The following TESMIN variants were observed in gnomAD, a reference collection of about 807,000 sequenced individuals.
TESMIN encodes the protein testis expressed metallothionein like protein.
TESMIN carries 34 observed loss-of-function variants against 47.4 expected under a neutral mutation model. That is an observed-to-expected ratio of 0.72 (90% CI 0.55 to 0.96). The LOEUF is 0.96. Ranked by LOEUF, TESMIN falls within the 40% of genes least tolerant of loss-of-function variation. The pLI is 0.00. For synonymous variants in TESMIN, 278 were observed against 258.9 expected (o/e 1.07, Z -0.71); for missense variants, 610 against 637.2 (o/e 0.96, Z 0.46).
At chr11:68,712,509 G>T (rs1217025523) in intron 8 of TESMIN, among the ~76,000 whole-genome samples, 1 of 152,200 alleles carries the variant, frequency 6.6e-6, no homozygotes, top group Non-Finnish European at 1.5e-5. Flanking sequence ...ACAGAGGTTT[G>T]TAAGGAAGGT....
At chr11:68,714,231 C>A (rs1316773356) in intron 7 of TESMIN, among the ~76,000 whole-genome samples, 2 of 152,326 alleles carry the variant, frequency 1.3e-5, no homozygotes, top group East Asian at 3.9e-4. Flanking sequence ...ACAGGGCCAT[C>A]GCTACAGAAT....
At chr11:68,725,205 C>T (rs966684239) in intron 6 of TESMIN, among the ~76,000 whole-genome samples, 15 of 152,220 alleles carry the variant, frequency 9.9e-5, no homozygotes, top group East Asian at 1.9e-4. Flanking sequence ...CTGCAGATAT[C>T]GTGGACTATA....
intron 6 of TESMIN, among the ~76,000 whole-genome samples, chr11:68,729,577 A>C (rs1452258591): frequency 6.6e-6 from 1 of 152,160 alleles, no homozygotes; most frequent in Admixed American, 6.5e-5. Flanking sequence ...TGTGGGGTTC[A>C]AGACTTCAGT....
intron 5 of TESMIN, among the ~76,000 whole-genome samples, chr11:68,739,279 C>T (rs1039486270): frequency 2.0e-5 from 3 of 152,196 alleles, no homozygotes; most frequent in Non-Finnish European, 4.4e-5. Context: ...ATGTCATCAT[C>T]TCTGCATTGT....
At chr11:68,747,110 G>C (rs755416402) in intron 3 of TESMIN, 98 bp downstream of exon 3, 6 of 1,388,564 alleles carry the variant, frequency 4.3e-6, no homozygotes, top group Non-Finnish European at 6.1e-6. Flanking sequence ...ATACATACGT[G>C]AAATGAAAAA....
At chr11:68,717,068 C>G (rs1946148555) in intron 6 of TESMIN, among the ~76,000 whole-genome samples, 1 of 152,256 alleles carries the variant, frequency 6.6e-6, no homozygotes, top group South Asian at 2.1e-4. Flanking sequence ...TCCCATAGTG[C>G]TGCAGGAACA....
Position 68,750,263 on chromosome 11 carries a change from C to T in TESMIN, c.398G>A (p.Arg133His), listed in dbSNP as rs1169669206. 1.3e-6 allele frequency: 2 copies of T among 1,543,170 alleles called. No homozygotes were observed. The highest frequency in any genetic ancestry group is 1.7e-6 in the Non-Finnish European group (2 of 1,154,170). ...HFLSSLLPAH[R>H]SPAVLPLGAW... ...GCCCAGGGGCAACACCGCCGGGCTG[C>T]GGTGCGCGGGTAGCAGCGAGGACAG... Residue 133 changes from arginine (R) to histidine (H), a missense_variant, in exon 2 of 10, where the codon CGC becomes CAC. By Grantham distance (29) the Arg-to-His change is conservative (BLOSUM62 0). Transcript: ENST00000255087.
Position 68,713,887 on chromosome 11 carries a change from T to C in TESMIN, c.1021-480A>G, listed in dbSNP as rs1946102909. On this transcript the variant is annotated intron_variant, in intron 7 of 9. Coordinates refer to ENST00000255087, the MANE Select transcript of TESMIN (RefSeq NM_004923.3). The stretch of plus-strand genomic sequence containing the variant: ...CTCAGCAACTAACGTATGATTGTTT[T>C]ATACCCGGAGAAACCCAGGCACCGA... Among the ~76,000 whole-genome samples, 3 of 152,274 alleles carry C rather than the reference T, an allele frequency of 2.0e-5. No homozygotes were observed. In the Middle Eastern group the frequency reaches 0.01, roughly 518 times the overall value.
rs1946014672 is a variant in TESMIN at position 68,707,856 on chromosome 11, T to G, written c.*452A>C. The G allele has an allele frequency of 2.2e-6, 1 of 456,678 alleles. No homozygotes were observed. Among genetic ancestry groups the G allele is most frequent in the African/African-American group, 2.0e-5 (1 of 50,108 alleles). The allele number at this position is 456,678 out of a possible 1,614,324, so 28.3% of individuals were successfully genotyped here. A position where few individuals can be genotyped will look rare whatever the true frequency, so the allele number is the denominator to read the frequency against. On this transcript the variant is annotated 3_prime_UTR_variant, in exon 10 of 10. Coordinates refer to ENST00000255087, the MANE Select transcript of TESMIN (RefSeq NM_004923.3). ...ACAGCCCATCCGGAGAACTTATTTC[T>G]AAATAATTTGAAAAACAAACAAGAA...
Position 68,744,979 on chromosome 11 carries a change from TTAAC to T in TESMIN, c.751+8_751+11del, listed in dbSNP as rs767464303. ...TATATGACATAGTTTTTTTTATTAATTAACTTTGTACCTGACTGTAGATAATTAT... is the reference window on the plus strand; with the variant it reads ...TATATGACATAGTTTTTTTTATTAATTTTGTACCTGACTGTAGATAATTAT... On this transcript the variant is annotated splice_region_variant and intron_variant, in intron 4 of 9. Coordinates refer to ENST00000255087, the MANE Select transcript of TESMIN (RefSeq NM_004923.3). 27 of 1,534,712 alleles carry T rather than the reference TTAAC, an allele frequency of 1.8e-5. No homozygotes were observed. The highest frequency in any genetic ancestry group is 2.4e-5 in the East Asian group (1 of 42,462).
intron 6 of TESMIN, among the ~76,000 whole-genome samples, chr11:68,718,168 C>A (rs1389732241): frequency 9.6e-6 from 1 of 104,380 alleles, no homozygotes; most frequent in African/African-American, 3.3e-5. Context: ...CCCTCACCTG[C>A]AGCCCCCAGT....
At chr11:68,716,020 AAG>A in intron 6 of TESMIN, 81 bp from the exon 7 acceptor site, 1 of 917,660 alleles carries the variant, frequency 1.1e-6, no homozygotes, top group Non-Finnish European at 1.8e-6. Flanking sequence ...CGTGTAAGGA[AAG>A]AGCGGGCAGT....
At chr11:68,711,478 G>A (rs532569708) in intron 8 of TESMIN, among the ~76,000 whole-genome samples, 1 of 151,982 alleles carries the variant, frequency 6.6e-6, no homozygotes, top group South Asian at 2.1e-4. Context: ...TTTTCATCAA[G>A]TGCTGCTGTT....
chr11:68,719,859 C>T (rs554387902), intron 6 of TESMIN, among the ~76,000 whole-genome samples: 2 of 152,200 alleles, frequency 1.3e-5, no homozygotes, highest in South Asian at 2.1e-4. Context: ...GTCTGGTGAG[C>T]ATTACGGAAG....
At chr11:68,717,809 G>A (rs1179524018) in intron 6 of TESMIN, among the ~76,000 whole-genome samples, 2 of 152,112 alleles carry the variant, frequency 1.3e-5, no homozygotes, top group African/African-American at 4.8e-5. Flanking sequence ...CCCTGCCACC[G>A]TGGCAGAGAC....
chr11:68,750,046 G>A (rs1946570079), intron 2 of TESMIN, 144 bp downstream of exon 2: 8 of 643,356 alleles, frequency 1.2e-5, no homozygotes, highest in Non-Finnish European at 1.9e-5. Flanking sequence ...ACGCTCTACC[G>A]AGAATCAGTG....
At chr11:68,736,911 G>C (rs758833232) in intron 6 of TESMIN, 32 of 985,288 alleles carry the variant, frequency 3.2e-5, no homozygotes, top group Non-Finnish European at 3.6e-5. Flanking sequence ...CTGCTGCTCT[G>C]TGCAAATGCC....
chr11:68,748,318 G>A (rs2153993422), intron 2 of TESMIN, among the ~76,000 whole-genome samples: 1 of 152,300 alleles, frequency 6.6e-6, no homozygotes, highest in East Asian at 1.9e-4. Flanking sequence ...TAGCATCTAG[G>A]TATAAATCTT....
chr11:68,751,147 C>T (rs1362792447), intron 1 of TESMIN, among the ~76,000 whole-genome samples: 8 of 16,530 alleles, frequency 4.8e-4, no homozygotes, highest in African/African-American at 2.3e-3. Context: ...TAAGGGGCGG[C>T]CAGGAGAGGG....
Sources: gnomAD v4.1 joint callset for allele counts (sites outside exome capture counted in the v4.1 genomes callset) on GRCh38, gnomAD v4.1.1 for gene constraint, MANE v1.5 for transcripts, NCBI Gene and HGNC (gene_info 2026-07-23, HGNC 2026-07-21) for gene names.